The following DIP2C variants were observed in gnomAD, a reference collection of about 807,000 sequenced individuals.
The protein encoded by DIP2C is DIP2 acetate--CoA ligase C (putative).
In DIP2C, 33 loss-of-function variants were observed where a neutral mutation model predicts 192.4. That is an observed-to-expected ratio of 0.17 (90% CI 0.13 to 0.23). The LOEUF (loss-of-function observed/expected upper bound fraction) is 0.23, where lower values mean the gene tolerates loss of function less well. DIP2C is among the 10% of genes least tolerant of loss of function. The pLI, the probability that DIP2C is intolerant of heterozygous loss-of-function variation, is 1.00. For missense variants in DIP2C, 1,537 were observed against 2,110.1 expected (o/e 0.73, Z 5.32); for synonymous variants, 979 against 864.1 (o/e 1.13, Z -2.33).
chr10:522,757 C>T (rs557995297), intron 1 of DIP2C, among the ~76,000 whole-genome samples: 86 of 152,346 alleles, frequency 5.6e-4, no homozygotes, highest in Admixed American at 1.8e-3. Flanking sequence ...TTGAGAGTTC[C>T]TTGCATGGTT....
At position 344,804 on chromosome 10, in the gene DIP2C, C is replaced by G. The variant is rs773075966; in HGVS notation, c.3453+5G>C. 1 of 1,578,752 alleles carries G rather than the reference C, an allele frequency of 6.3e-7. No homozygotes were observed. The highest frequency in any genetic ancestry group is 8.6e-7 in the Non-Finnish European group (1 of 1,162,874). On this transcript the variant is annotated splice_donor_5th_base_variant and intron_variant, in intron 28 of 36. Coordinates refer to ENST00000280886, the MANE Select transcript of DIP2C (RefSeq NM_014974.3). ...ATGGCCACCGCCCGCAGCCACCCCC[C>G]TCACCTTTACGCCAGCTAGCATCCC...
intron 1 of DIP2C, among the ~76,000 whole-genome samples, chr10:517,472 G>A (rs1173797489): frequency 6.6e-6 from 1 of 152,144 alleles, no homozygotes; most frequent in African/African-American, 2.4e-5. Context: ...AAAGCTCCAT[G>A]AAGACAGGGT....
At chr10:488,623 T>C (rs1325214822) in intron 1 of DIP2C, among the ~76,000 whole-genome samples, 1 of 152,128 alleles carries the variant, frequency 6.6e-6, no homozygotes, top group Admixed American at 6.6e-5. Context: ...CCTGACTCCA[T>C]AACCTGCCTG....
intron 1 of DIP2C, chr10:668,458 A>G (rs568600766): frequency 1.1e-4 from 17 of 152,388 alleles, no homozygotes; most frequent in Admixed American, 1.1e-3. Flanking sequence ...CATACAACAT[A>G]CACATACAAC....
At chr10:316,415 C>G (rs1032426367) in intron 31 of DIP2C, among the ~76,000 whole-genome samples, 1 of 152,210 alleles carries the variant, frequency 6.6e-6, no homozygotes, top group African/African-American at 2.4e-5. Flanking sequence ...AGACCTTCCA[C>G]CCACTTTAGG....
At chr10:580,101 A>AT (rs1850512130) in intron 1 of DIP2C, among the ~76,000 whole-genome samples, 1 of 152,164 alleles carries the variant, frequency 6.6e-6, no homozygotes, top group Non-Finnish European at 1.5e-5. Context: ...GCACATTTGT[A>AT]TGTACATAGG....
chr10:673,255 G>A (rs1411426077), intron 1 of DIP2C, among the ~76,000 whole-genome samples: 1 of 152,176 alleles, frequency 6.6e-6, no homozygotes, highest in Non-Finnish European at 1.5e-5. Context: ...AATAGAAAAT[G>A]TTCCAGGAAA....
At chr10:357,171 C>A (rs1287851818) in intron 23 of DIP2C, among the ~76,000 whole-genome samples, 1 of 152,214 alleles carries the variant, frequency 6.6e-6, no homozygotes, top group Non-Finnish European at 1.5e-5. Context: ...CAAGGGCACA[C>A]TTTTGGCTGT....
intron 1 of DIP2C, among the ~76,000 whole-genome samples, chr10:493,456 G>C (rs117845931): frequency 1.3e-5 from 2 of 152,274 alleles, no homozygotes; most frequent in Admixed American, 1.3e-4. Context: ...GTTGGGGGGA[G>C]CGAGAAGGGG....
In DIP2C at chr10:418,343, A is replaced by G. The variant is rs1285824739; in HGVS notation, c.739+722T>C. Among the ~76,000 whole-genome samples, 5 of 152,174 alleles carry G rather than the reference A, an allele frequency of 3.3e-5. No homozygotes were observed. The East Asian group carries it at 9.6e-4, about 29-fold the overall frequency. ...GTCCACTGTGCCTGTCGGGGCTCTG[A>G]TAGGCCTCCCTGTCCGCCTGTGAGT... On this transcript the variant is annotated intron_variant, in intron 6 of 36. Transcript: ENST00000280886.
chr10:689,555 G>A lies in DIP2C; in HGVS notation c.24C>T (p.Gly8=). 2.4e-6 allele frequency: 3 copies of A among 1,265,990 alleles called. No homozygotes were observed. The highest frequency in any genetic ancestry group is 3.4e-5 in the South Asian group (2 of 59,028). The allele number at this position is 1,265,990 out of a possible 1,614,324, so 78.4% of individuals were successfully genotyped here. ...CCCGCACCTCCAGGGGCAGCGCCAT[G>A]CCCTCCAGGCTGCGGTCCGCCATGC... MADRSLE[G]MALPLEVRAR... The change falls in exon 1 of 37, where the codon GGC becomes GGT. Residue 8 remains glycine, a synonymous_variant. Transcript: ENST00000280886. The surrounding 1 kb of genome is among the most constrained non-coding windows in gnomAD (Gnocchi z 6.1).
intron 1 of DIP2C, among the ~76,000 whole-genome samples, chr10:597,158 C>G (rs1186758066): frequency 2.6e-5 from 4 of 152,224 alleles, no homozygotes; most frequent in Admixed American, 2.6e-4. Flanking sequence ...CTCCACCTGT[C>G]TGGCTGCAGG....
intron 31 of DIP2C, among the ~76,000 whole-genome samples, chr10:315,888 T>C (rs554531537): frequency 2.1e-4 from 32 of 152,336 alleles, no homozygotes; most frequent in Non-Finnish European, 7.3e-5. Context: ...TTAGGTCATT[T>C]CTATTGGTCA....
At chr10:596,431 G>T (rs565993421) in intron 1 of DIP2C, among the ~76,000 whole-genome samples, 1 of 142,970 alleles carries the variant, frequency 7.0e-6, no homozygotes, top group Non-Finnish European at 1.5e-5. Flanking sequence ...GGGAGGGAGA[G>T]GTTGCAGTGA....
chr10:384,250 G>A (rs555674199), intron 15 of DIP2C, 104 bp from the exon 16 acceptor site: 1 of 1,193,694 alleles, frequency 8.4e-7, no homozygotes, highest in Non-Finnish European at 1.2e-6. Flanking sequence ...AAGAATCACT[G>A]GTCACCCAGC....
Position 419,071 on chromosome 10 carries a change from C to G in DIP2C, c.733G>C (p.Gly245Arg). The G allele has an allele frequency of 1.2e-6, 2 of 1,614,246 alleles. No homozygotes were observed. Among genetic ancestry groups the G allele is most frequent in the Non-Finnish European group, 1.7e-6 (2 of 1,180,050 alleles). ...TCTCTCCTTTGGGACGTACCATCCC[C>G]GGTCTCCATGAGCTCGGCGTTGCCG... is the stretch of plus-strand genomic sequence containing the variant. ...KYGNAELMET[G>R]DGVPVSSRVS... Residue 245 changes from glycine to arginine, a missense_variant, in exon 6 of 37, where the codon GGG becomes CGG. By Grantham distance (125) the Gly-to-Arg change is moderately radical. Around this residue, in one of 4 missense-constraint regions of DIP2C, gnomAD observed 473 missense variants for 539.6 expected, o/e 0.88. Transcript: ENST00000280886.
At chr10:421,619 A>C (rs2133158175) in intron 5 of DIP2C, among the ~76,000 whole-genome samples, 1 of 152,376 alleles carries the variant, frequency 6.6e-6, no homozygotes, top group East Asian at 1.9e-4. Flanking sequence ...CATGTTCCTG[A>C]AACTGTGTTA....
Position 528,433 on chromosome 10 carries a change from G to A in DIP2C, c.86-41903C>T, listed in dbSNP as rs529025168. 2.3e-3 allele frequency among the ~76,000 whole-genome samples: 349 copies of A among 149,628 alleles called. 1 individual carries two copies. The highest frequency in any genetic ancestry group is 7.1e-3 in the Middle Eastern group (2 of 282). ...TGCTCCCCCAGAACGCAGACCGCCC[G>A]CTGCTCCCCCAGAACGCAGACCACT... On this transcript the variant is annotated intron_variant, in intron 1 of 36. Coordinates refer to ENST00000280886, the MANE Select transcript of DIP2C (RefSeq NM_014974.3).
At position 274,540 on chromosome 10, in the gene DIP2C, G is replaced by A. The variant is rs1954418780; in HGVS notation, c.*2785C>T. 1 of 152,194 alleles carries A rather than the reference G, an allele frequency of 6.6e-6. No individual in the cohort carries two copies. The highest frequency in any genetic ancestry group is 6.5e-5 in the Admixed American group (1 of 15,282). 9.4% of individuals were successfully genotyped at this position (152,194 alleles called of 1,614,324 possible). Reference sequence around the variant, plus strand: ...TTATCACAGATGTACAAAGCGTACTGGTGGTTTAACATACAAGAAGGTTGC... The same window carrying A: ...TTATCACAGATGTACAAAGCGTACTAGTGGTTTAACATACAAGAAGGTTGC... On this transcript the variant is annotated 3_prime_UTR_variant, in exon 37 of 37. Coordinates refer to ENST00000280886, the MANE Select transcript of DIP2C (RefSeq NM_014974.3).
Sources: gnomAD v4.1 joint callset for allele counts (sites outside exome capture counted in the v4.1 genomes callset) on GRCh38, gnomAD v4.1.1 for gene constraint, gnomAD v4.1.1 regional missense constraint, Gnocchi (gnomAD v3.1) non-coding constraint, MANE v1.5 for transcripts, NCBI Gene and HGNC (gene_info 2026-07-23, HGNC 2026-07-21) for gene names.